MTX2: variants seen among roughly 807,000 people sequenced by gnomAD.
MTX2 encodes the protein metaxin-2.
In MTX2, 35 loss-of-function variants were observed where a neutral mutation model predicts 42.3. That is an observed-to-expected ratio of 0.83 (90% confidence interval 0.63 to 1.10). The LOEUF (loss-of-function observed/expected upper bound fraction) is 1.10. MTX2 is among the 50% of genes least tolerant of loss of function. MTX2 has a pLI of 0.00. For synonymous variants in MTX2, 119 were observed against 100.9 expected, an observed-to-expected ratio of 1.18 and a Z score of -1.08; for missense variants, 307 against 304.1, an observed-to-expected ratio of 1.01 and a Z score of -0.07.
At chr2:176,275,488 C>G (rs1366031014) in intron 1 of MTX2, among the ~76,000 whole-genome samples, 2 of 152,148 alleles carry the variant, frequency 1.3e-5, no homozygotes, top group Admixed American at 1.3e-4. Flanking sequence ...TTCTGCCTGC[C>G]TTAGCCTCCC....
Position 176,321,089 on chromosome 2 carries a change from C to T in MTX2, c.136-2303C>T, listed in dbSNP as rs140867818. Among the ~76,000 whole-genome samples the T allele has an allele frequency of 4.1e-4, 63 of 152,126 alleles. 1 individual carries two copies. In the East Asian group the frequency reaches 6.8e-3, roughly 16 times the overall value. ...TTTTCTCTTTGTGTTTTAATAAGCTCCACTCTTCTTCATATGTAATAGAAG... is the reference window on the plus strand; with the variant it reads ...TTTTCTCTTTGTGTTTTAATAAGCTTCACTCTTCTTCATATGTAATAGAAG... On this transcript the variant is annotated intron_variant, in intron 3 of 9. Transcript: ENST00000249442.
At chr2:176,319,355 A>G (rs1272193143) in intron 3 of MTX2, among the ~76,000 whole-genome samples, 1 of 152,118 alleles carries the variant, frequency 6.6e-6, no homozygotes, top group African/African-American at 2.4e-5. Context: ...TTTCAAGAGA[A>G]AGGGGAAATA....
chr2:176,327,388 A>C (rs1684733582), intron 5 of MTX2, among the ~76,000 whole-genome samples: 1 of 150,964 alleles, frequency 6.6e-6, no homozygotes, highest in Admixed American at 6.6e-5. Flanking sequence ...ATCATTCCAG[A>C]CTTTTTGAAT....
At chr2:176,326,699 CA>C in intron 4 of MTX2, 125 bp from the exon 5 acceptor site, 1 of 600,910 alleles carries the variant, frequency 1.7e-6, no homozygotes, top group Middle Eastern at 4.8e-4. Context: ...CAAAAATTTT[CA>C]AAAGTTACAG....
chr2:176,322,893 G>A (rs557500450), intron 3 of MTX2, among the ~76,000 whole-genome samples: 13 of 151,912 alleles, frequency 8.6e-5, no homozygotes, highest in African/African-American at 4.8e-5. Context: ...AAGTGAATTC[G>A]TGAGCACAGA....
At chr2:176,270,388 G>A (rs777209181) in intron 1 of MTX2, 7 of 1,364,182 alleles carry the variant, frequency 5.1e-6, no homozygotes, top group Non-Finnish European at 6.9e-6. Flanking sequence ...ATACTTTTGA[G>A]TCGGTGGACT....
At chr2:176,319,697 T>G (rs1684529701) in intron 3 of MTX2, among the ~76,000 whole-genome samples, 1 of 152,078 alleles carries the variant, frequency 6.6e-6, no homozygotes, top group Non-Finnish European at 1.5e-5. Context: ...TGCCTCACCC[T>G]TCTGAGTAGC....
intron 1 of MTX2, among the ~76,000 whole-genome samples, chr2:176,273,800 T>C (rs1486896195): frequency 6.6e-6 from 1 of 152,192 alleles, no homozygotes; most frequent in Non-Finnish European, 1.5e-5. Flanking sequence ...TAGATAACCA[T>C]AGTAGTCTCT....
At chr2:176,280,791 T>C (rs1295741442) in intron 1 of MTX2, among the ~76,000 whole-genome samples, 1 of 152,172 alleles carries the variant, frequency 6.6e-6, no homozygotes, top group African/African-American at 2.4e-5. Flanking sequence ...AGATTAAAAT[T>C]TCCACATCAC....
chr2:176,329,528 A>G, intron 8 of MTX2, 102 bp downstream of exon 8: 1 of 1,169,078 alleles, frequency 8.6e-7, no homozygotes, highest in South Asian at 2.3e-5. Flanking sequence ...AAGATTTGCA[A>G]GAAAACCATT....
At chr2:176,289,022 A>G (rs1043178953) in intron 1 of MTX2, among the ~76,000 whole-genome samples, 2 of 152,094 alleles carry the variant, frequency 1.3e-5, no homozygotes, top group African/African-American at 4.8e-5. Context: ...AGTAATATAT[A>G]AAGTCTTTAA....
Position 176,328,386 on chromosome 2 carries a change from G to T in MTX2, c.378+1G>T. On this transcript the variant is annotated splice_donor_variant, in intron 6 of 9. Coordinates refer to ENST00000249442, the MANE Select transcript of MTX2 (RefSeq NM_006554.5). LOFTEE classifies it high-confidence loss of function. ...CAACAATATGCTGTTGACTGCAGAG[G>T]TAAAATACTAGATGATACGGCTTGA... is the stretch of plus-strand genomic sequence containing the variant. 6.5e-7 allele frequency: 1 copy of T among 1,534,318 alleles called. No individual in the cohort carries two copies.
chr2:176,283,315 T>G (rs937658567), intron 1 of MTX2, among the ~76,000 whole-genome samples: 1 of 152,212 alleles, frequency 6.6e-6, no homozygotes, highest in African/African-American at 2.4e-5. Flanking sequence ...ATATTCATCT[T>G]TGTATTATAG....
chr2:176,318,478 T>C lies in MTX2; in HGVS notation c.136-4914T>C, dbSNP rs147353192. On this transcript the variant is annotated intron_variant, in intron 3 of 9. Coordinates refer to ENST00000249442, the MANE Select transcript of MTX2 (RefSeq NM_006554.5). Reference sequence around the variant, plus strand: ...CTACCAGGTAGTCACTAAATTTATATATAAAGAATGGGTGCAGTTTTAATT... The same window carrying C: ...CTACCAGGTAGTCACTAAATTTATACATAAAGAATGGGTGCAGTTTTAATT... Among the ~76,000 whole-genome samples, 447 of 152,328 alleles carry C rather than the reference T, an allele frequency of 2.9e-3. 4 individuals carry two copies. Among genetic ancestry groups the C allele is most frequent in the African/African-American group, 0.01 (430 of 41,582 alleles).
intron 1 of MTX2, chr2:176,270,364 T>C (rs773445212): frequency 2.2e-5 from 30 of 1,362,684 alleles, no homozygotes; most frequent in Admixed American, 1.4e-4. Context: ...TAAATCTGCA[T>C]GTACTTTAAA....
At chr2:176,272,603 A>G (rs1692848605) in intron 1 of MTX2, among the ~76,000 whole-genome samples, 1 of 152,198 alleles carries the variant, frequency 6.6e-6, no homozygotes, top group African/African-American at 2.4e-5. Flanking sequence ...CCAAAAATGA[A>G]GAAGTATATC....
At chr2:176,302,878 T>C (rs1684059748) in intron 3 of MTX2, among the ~76,000 whole-genome samples, 1 of 152,210 alleles carries the variant, frequency 6.6e-6, no homozygotes, top group Non-Finnish European at 1.5e-5. Flanking sequence ...AATTATTGGC[T>C]AATGCTAATA....
At chr2:176,297,769 G>A (rs1228428879) in intron 2 of MTX2, 80 bp from the exon 3 acceptor site, 1 of 912,226 alleles carries the variant, frequency 1.1e-6, no homozygotes, top group Non-Finnish European at 1.6e-6. Flanking sequence ...CGATACCTTT[G>A]AATAAATAGA....
chr2:176,311,294 G>A (rs577880619), intron 3 of MTX2, among the ~76,000 whole-genome samples: 10 of 152,032 alleles, frequency 6.6e-5, no homozygotes, highest in Admixed American at 2.6e-4. Flanking sequence ...GAGGAGCACC[G>A]AACTATGTGA....
Sources: gnomAD v4.1 joint callset for allele counts (sites outside exome capture counted in the v4.1 genomes callset) on GRCh38, gnomAD v4.1.1 for gene constraint, MANE v1.5 for transcripts, NCBI Gene and HGNC (gene_info 2026-07-23, HGNC 2026-07-21) for gene names.